The following EFEMP2 variants were observed in gnomAD, a reference collection of about 807,000 sequenced individuals.
The protein encoded by EFEMP2 is EGF-containing fibulin-like extracellular matrix protein 2.
Under a neutral mutation model 55.3 loss-of-function variants are expected in EFEMP2, and 21 were observed. That is an observed-to-expected ratio of 0.38 (90% CI 0.27 to 0.55). The LOEUF is 0.55. Ranked by LOEUF, EFEMP2 falls within the 20% of genes least tolerant of loss-of-function variation. The probability of loss-of-function intolerance (pLI) is 0.77; values close to 1 mark genes in which losing one functional copy is unlikely to be tolerated. For synonymous variants in EFEMP2, 275 were observed against 242.3 expected, an observed-to-expected ratio of 1.14 and a Z score of -1.25; for missense variants, 513 against 615.1, an observed-to-expected ratio of 0.83 and a Z score of 1.76.
chr11:65,870,438 C>A (rs1165748252), intron 5 of EFEMP2, 98 bp downstream of exon 5: 1 of 1,571,168 alleles, frequency 6.4e-7, no homozygotes, highest in Non-Finnish European at 8.7e-7. Flanking sequence ...TGGCAGGGGC[C>A]GGGGGTGAAG....
rs1064796673 is a variant in EFEMP2, at chr11:65,868,331, T to C, written c.938A>G (p.Asn313Ser). The change falls in exon 9 of 11, where the codon AAC (asparagine) becomes AGC (serine). Residue 313 changes from asparagine (N) to serine (S), a missense_variant. By Grantham distance (46) the Asn-to-Ser change is conservative (BLOSUM62 1). Transcript: ENST00000307998. ...CTGGATGTAGGGCTCCACGCAGCGG[T>C]TGGTGTCCACGCAGCGGTAGCCCCC... is the stretch of plus-strand genomic sequence containing the variant. ...FHGGYRCVDT[N>S]RCVEPYIQVS... is the part of the protein sequence containing the mutation. 3 of 1,613,706 alleles carry C rather than the reference T, an allele frequency of 1.9e-6. No homozygotes were observed. The highest frequency in any genetic ancestry group is 1.3e-5 in the African/African-American group (1 of 74,908).
In EFEMP2 at chr11:65,866,718, C is replaced by G; in HGVS notation, c.*200G>C. 1.4e-6 allele frequency: 1 copy of G among 739,748 alleles called. No individual in the cohort carries two copies. The highest frequency in any genetic ancestry group is 2.4e-6 in the Non-Finnish European group (1 of 418,456). 45.8% of individuals were successfully genotyped at this position (739,748 alleles called of 1,614,324 possible). A position where few individuals can be genotyped will look rare whatever the true frequency, so the allele number is the denominator to read the frequency against. ...GTCAATGGGGGCCCCTGGGCCTGAA[C>G]ATATAGAGACCCCCATTTAGGTGAA... is the stretch of plus-strand genomic sequence containing the variant. On this transcript the variant is annotated 3_prime_UTR_variant, in exon 11 of 11. Transcript: ENST00000307998.
Position 65,868,521 on chromosome 11 carries a change from C to T in EFEMP2, c.836G>A (p.Arg279His), listed in dbSNP as rs756905509. Residue 279 changes from arginine (R) to histidine (H), a missense_variant, in exon 8 of 11, where the codon CGC becomes CAC. Transcript: ENST00000307998. ...CGGGCAACCTGTACCTTGGCAGAGGCGTGTGGCCAGCAGCTGGTAACCCTG... is the reference window on the plus strand; with the variant it reads ...CGGGCAACCTGTACCTTGGCAGAGGTGTGTGGCCAGCAGCTGGTAACCCTG... Reference protein sequence around the residue: ...CPQGYQLLATRLCQDIDECES... With the variant: ...CPQGYQLLATHLCQDIDECES... 5.6e-6 allele frequency: 9 copies of T among 1,613,886 alleles called. No individual in the cohort carries two copies. The highest frequency in any genetic ancestry group is 7.6e-6 in the Non-Finnish European group (9 of 1,180,044).
chr11:65,870,292 G>T, intron 5 of EFEMP2, 55 bp from the exon 6 acceptor site: 1 of 1,551,140 alleles, frequency 6.4e-7, no homozygotes, highest in South Asian at 1.1e-5. Context: ...AGGGCAGGTG[G>T]GCTCGAGCCG....
chr11:65,870,417 G>A (rs1018063204), intron 5 of EFEMP2, 119 bp downstream of exon 5: 19 of 1,511,156 alleles, frequency 1.3e-5, no homozygotes, highest in South Asian at 4.6e-5. Flanking sequence ...GTCTGATGAC[G>A]GAGGGTGAGG....
intron 5 of EFEMP2, 141 bp downstream of exon 5, chr11:65,870,395 A>C: frequency 6.9e-7 from 1 of 1,449,032 alleles, no homozygotes; most frequent in Non-Finnish European, 9.6e-7. Flanking sequence ...ACTCCCCGCT[A>C]CAGTCCTCTG....
At chr11:65,870,054 G>C (rs1317137536) in intron 6 of EFEMP2, 67 bp downstream of exon 6, 2 of 1,612,996 alleles carry the variant, frequency 1.2e-6, no homozygotes, top group African/African-American at 2.7e-5. Context: ...GGCTGGTCAA[G>C]AAGGGAGCGC....
At chr11:65,870,260 G>C in intron 5 of EFEMP2, 23 bp from the exon 6 acceptor site, 1 of 1,598,834 alleles carries the variant, frequency 6.3e-7, no homozygotes, top group Non-Finnish European at 8.5e-7. Flanking sequence ...GCAGGAGAAG[G>C]AGGGCGGAGG....
chr11:65,870,833 A>ACCTT, intron 4 of EFEMP2, 175 bp from the exon 5 acceptor site: 1 of 895,722 alleles, frequency 1.1e-6, no homozygotes, highest in Non-Finnish European at 1.8e-6. Flanking sequence ...GTTGCACAGG[A>ACCTT]AATAAGGTCC....
chr11:65,869,952 G>C lies in EFEMP2; in HGVS notation c.632C>G (p.Ala211Gly). Residue 211 changes from alanine (A) to glycine (G), a missense_variant, in exon 7 of 11, where the codon GCC becomes GGC. By Grantham distance (60) the Ala-to-Gly change is moderately conservative. Coordinates refer to ENST00000307998, the MANE Select transcript of EFEMP2 (RefSeq NM_016938.5). The part of the protein sequence containing the change: ...CVDVNECDMG[A>G]PCEQRCFNSY... ...GTTGAAGCAGCGCTGCTCGCATGGG[G>C]CCCCCATGTCACACTCGTTCACATC... 4 of 1,613,916 alleles carry C rather than the reference G, an allele frequency of 2.5e-6. No homozygotes were observed. Among genetic ancestry groups the C allele is most frequent in the Non-Finnish European group, 3.4e-6 (4 of 1,179,964 alleles).
At chr11:65,872,090 C>G in intron 2 of EFEMP2, 72 bp from the exon 3 acceptor site, 3 of 1,544,322 alleles carry the variant, frequency 1.9e-6, no homozygotes, top group Non-Finnish European at 2.6e-6. Flanking sequence ...AGACTAGGGC[C>G]TGAGCCTGGC....
chr11:65,870,332 T>C, intron 5 of EFEMP2, 95 bp from the exon 6 acceptor site: 1 of 1,442,926 alleles, frequency 6.9e-7, no homozygotes. Flanking sequence ...CCACCCATAA[T>C]CCTGTGTCCG....
chr11:65,868,715 C>G, intron 7 of EFEMP2, 86 bp from the exon 8 acceptor site: 1 of 1,562,424 alleles, frequency 6.4e-7, no homozygotes, highest in Non-Finnish European at 8.8e-7. Context: ...AGGCCCAGCC[C>G]CATGTTAGAC....
chr11:65,867,666 AG>A, intron 10 of EFEMP2, 194 bp downstream of exon 10: 1 of 653,314 alleles, frequency 1.5e-6, no homozygotes, highest in East Asian at 2.8e-5. Flanking sequence ...CCCGTGTCCG[AG>A]TGCTTCGTTA....
rs1324133681 is a variant in EFEMP2 at position 65,866,455 on chromosome 11, C to T, written c.*463G>A. 1 of 700,524 alleles carries T rather than the reference C, an allele frequency of 1.4e-6. No homozygotes were observed. Among genetic ancestry groups the T allele is most frequent in the South Asian group, 1.5e-5 (1 of 66,970 alleles). 43.4% of individuals were successfully genotyped at this position (700,524 alleles called of 1,614,324 possible). A position where few individuals can be genotyped will look rare whatever the true frequency, so the allele number is the denominator to read the frequency against. On this transcript the variant is annotated 3_prime_UTR_variant, in exon 11 of 11. Coordinates refer to ENST00000307998, the MANE Select transcript of EFEMP2 (RefSeq NM_016938.5). ...TTGAAAACCACTAACAGTCCAGTTG[C>T]CTCGTTTTATAGAAAAACAGGCCCA...
chr11:65,867,551 C>T (rs1056430978), intron 10 of EFEMP2: 13 of 475,364 alleles, frequency 2.7e-5, no homozygotes, highest in Non-Finnish European at 3.1e-5. Context: ...GATCCACTAG[C>T]AAGGAGTGGA....
At chr11:65,867,511 G>GAGC (rs1242677621) in intron 10 of EFEMP2, 2 of 440,546 alleles carry the variant, frequency 4.5e-6, no homozygotes, top group Non-Finnish European at 8.4e-6. Context: ...AGCTCACTGT[G>GAGC]AGCCGCCCCT....
At chr11:65,870,785 G>C in intron 4 of EFEMP2, 127 bp from the exon 5 acceptor site, 1 of 1,421,506 alleles carries the variant, frequency 7.0e-7, no homozygotes, top group Non-Finnish European at 9.8e-7. Context: ...GGAGCCATCA[G>C]GAAAGGCACC....
chr11:65,867,869 A>T lies in EFEMP2; in HGVS notation c.1162T>A (p.Tyr388Asn). Residue 388 changes from tyrosine to asparagine, a missense_variant, in exon 10 of 11, where the codon TAC becomes AAC. Physicochemically the swap from Tyr to Asn is moderately radical, Grantham distance 143. Coordinates refer to ENST00000307998, the MANE Select transcript of EFEMP2 (RefSeq NM_016938.5). ...IRAGNSQGDF[Y>N]IRQINNVSAM... Reference sequence around the variant, plus strand: ...GGTTGCAGAAACCTTACCCTAATGTAAAAGTCCCCCTGCGAGTTTCCAGCA... The same window carrying T: ...GGTTGCAGAAACCTTACCCTAATGTTAAAGTCCCCCTGCGAGTTTCCAGCA... 4 of 1,614,098 alleles carry T rather than the reference A, an allele frequency of 2.5e-6. No individual in the cohort carries two copies. Among genetic ancestry groups the T allele is most frequent in the Non-Finnish European group, 3.4e-6 (4 of 1,180,010 alleles).
Sources: gnomAD v4.1 joint callset for allele counts on GRCh38, gnomAD v4.1.1 for gene constraint, MANE v1.5 for transcripts, NCBI Gene and HGNC (gene_info 2026-07-23, HGNC 2026-07-21) for gene names.